ARID1B: variants seen among roughly 807,000 people sequenced by gnomAD.
ARID1B encodes AT-rich interactive domain-containing protein 1B.
ARID1B carries 30 observed loss-of-function variants against 212.3 expected under a neutral mutation model. The observed-to-expected ratio is 0.14, with a 90% CI of 0.11 to 0.19. The LOEUF (loss-of-function observed/expected upper bound fraction) is 0.19, where lower values mean the gene tolerates loss of function less well. Ranked by LOEUF, ARID1B falls within the 10% of genes least tolerant of loss-of-function variation. The pLI is 1.00. For missense variants in ARID1B, 2,891 were observed against 3,204.0 expected (o/e 0.90, Z 2.36); for synonymous variants, 1,402 against 1,301.7 (o/e 1.08, Z -1.66).
intron 3 of ARID1B, among the ~76,000 whole-genome samples, chr6:156,910,196 C>T (rs904263724): frequency 2.0e-5 from 3 of 152,144 alleles, no homozygotes; most frequent in African/African-American, 7.2e-5. Context: ...GTCTCTGGGG[C>T]TGTTCTAAAT....
In ARID1B at chr6:157,094,480, G is replaced by A. The variant is rs1487921620; in HGVS notation, c.2491+9575G>A. 6.6e-6 allele frequency among the ~76,000 whole-genome samples: 1 copy of A among 152,006 alleles called. No homozygotes were observed. The highest frequency in any genetic ancestry group is 2.4e-5 in the African/African-American group (1 of 41,358). On this transcript the variant is annotated intron_variant, in intron 5 of 19. Coordinates refer to ENST00000636930, the MANE Select transcript of ARID1B (RefSeq NM_001374828.1). The surrounding 1 kb of genome is among the most constrained non-coding windows in gnomAD (Gnocchi z 4.3). ...AGCAATTCTCCTACCTCAGCCTCCC[G>A]AGTAGCTGGGACTATAGGCACATGT...
At chr6:157,161,515 A>C (rs1428554798) in intron 8 of ARID1B, among the ~76,000 whole-genome samples, 1 of 151,424 alleles carries the variant, frequency 6.6e-6, no homozygotes, top group East Asian at 1.9e-4. Context: ...AATAACCTCG[A>C]CTGAGTCTCT....
intron 16 of ARID1B, chr6:157,198,574 C>A: frequency 1.9e-6 from 1 of 518,732 alleles, no homozygotes; most frequent in East Asian, 3.0e-5. Context: ...TCCTCTGACA[C>A]CTATTAGCCA....
In ARID1B at chr6:156,778,206, C is replaced by T. The variant is rs1250963206; in HGVS notation, c.526C>T (p.His176Tyr). 1.3e-6 allele frequency: 2 copies of T among 1,540,488 alleles called. No homozygotes were observed. Among genetic ancestry groups the T allele is most frequent in the South Asian group, 2.4e-5 (2 of 84,000 alleles). Reference sequence around the variant, plus strand: ...CCACCACCACCACCATGCCCACCACCACCACCACCATGCCCACCACCTCCA... The same window carrying T: ...CCACCACCACCACCATGCCCACCACTACCACCACCATGCCCACCACCTCCA... Reference protein sequence around the residue: ...QHHHHHHAHHHHHHAHHLHHH... With the variant: ...QHHHHHHAHHYHHHAHHLHHH... The change falls in exon 1 of 20, where the codon CAC becomes TAC. Residue 176 changes from histidine (H) to tyrosine (Y), a missense_variant. Physicochemically the swap from His to Tyr is moderately conservative, Grantham distance 83. Transcript: ENST00000636930.
intron 4 of ARID1B, among the ~76,000 whole-genome samples, chr6:157,001,783 A>C (rs1249318087): frequency 6.6e-6 from 1 of 152,204 alleles, no homozygotes; most frequent in African/African-American, 2.4e-5. Context: ...TTCAGCTTTT[A>C]GATTCTGAGA....
chr6:156,805,351 C>T (rs1781080512), intron 1 of ARID1B, among the ~76,000 whole-genome samples: 1 of 152,194 alleles, frequency 6.6e-6, no homozygotes, highest in African/African-American at 2.4e-5. Context: ...CCAGTTCTGC[C>T]ACTCATTTTT....
At chr6:157,130,177 A>G (rs1439222548) in intron 6 of ARID1B, among the ~76,000 whole-genome samples, 1 of 152,168 alleles carries the variant, frequency 6.6e-6, no homozygotes, top group Non-Finnish European at 1.5e-5. Flanking sequence ...TCAAAAAAAA[A>G]AAAAGAATAT....
intron 4 of ARID1B, among the ~76,000 whole-genome samples, chr6:157,061,393 A>G (rs762091539): frequency 1.1e-4 from 16 of 152,230 alleles, no homozygotes; most frequent in Admixed American, 2.6e-4. Flanking sequence ...AGTGCTCCAC[A>G]TGTCAACCCT....
intron 4 of ARID1B, among the ~76,000 whole-genome samples, chr6:157,039,696 T>TCCTTCCTTCCTTCCTTCC (rs1188640165): frequency 7.4e-6 from 1 of 135,434 alleles, no homozygotes; most frequent in African/African-American, 2.8e-5. Context: ...CTTCCTTCCT[T>TCCTTCCTTCCTTCCTTCC]CTTTCTTTCC....
At chr6:156,957,506 T>C (rs1417409311) in intron 4 of ARID1B, among the ~76,000 whole-genome samples, 1 of 152,112 alleles carries the variant, frequency 6.6e-6, no homozygotes, top group Non-Finnish European at 1.5e-5. Context: ...CTTAAGAAGC[T>C]GGAGCTTTAG....
chr6:157,052,719 C>T (rs541164862), intron 4 of ARID1B, among the ~76,000 whole-genome samples: 1 of 152,184 alleles, frequency 6.6e-6, no homozygotes, highest in African/African-American at 2.4e-5. Flanking sequence ...GAGCAGTTTT[C>T]GTTTGTCTGT....
chr6:156,807,140 C>T (rs1781222874), intron 1 of ARID1B, among the ~76,000 whole-genome samples: 1 of 143,224 alleles, frequency 7.0e-6, no homozygotes, highest in South Asian at 2.3e-4. Context: ...TATTGTGCAC[C>T]CCCCCACGCC....
At chr6:157,133,301 C>T (rs891828741) in intron 7 of ARID1B, 94 bp downstream of exon 7, 2 of 1,335,186 alleles carry the variant, frequency 1.5e-6, no homozygotes, top group South Asian at 1.6e-5. Context: ...GTAAACATAT[C>T]GTAAGATCCA....
chr6:157,119,411 G>A (rs572953761), intron 6 of ARID1B, among the ~76,000 whole-genome samples: 9 of 152,224 alleles, frequency 5.9e-5, no homozygotes, highest in Admixed American at 2.6e-4. Context: ...ATCCAGCCCC[G>A]GCTTCCTTTG....
intron 3 of ARID1B, among the ~76,000 whole-genome samples, chr6:156,923,549 G>A (rs1168140751): frequency 6.6e-6 from 1 of 152,072 alleles, no homozygotes; most frequent in Non-Finnish European, 1.5e-5. Flanking sequence ...CTTACTTTAT[G>A]GGGTCAGTGT....
At chr6:157,196,140 A>G (rs1793702400) in intron 15 of ARID1B, 25 bp from the exon 16 acceptor site, 3 of 1,610,512 alleles carry the variant, frequency 1.9e-6, no homozygotes, top group East Asian at 2.2e-5. Flanking sequence ...GCCTAAATGT[A>G]TGCATTTTAT....
In ARID1B at chr6:157,133,026, A is replaced by T; in HGVS notation, c.2582-2A>T. ...ATATGTTTCCATTTATTTCCCACTT[A>T]GGTTTTATGGCAGGCACACAAAGAA... On this transcript the variant is annotated splice_acceptor_variant, in intron 6 of 19. Transcript: ENST00000636930. LOFTEE classifies it high-confidence loss of function. 2 of 1,595,234 alleles carry T rather than the reference A, an allele frequency of 1.3e-6. No homozygotes were observed. Among genetic ancestry groups the T allele is most frequent in the Non-Finnish European group, 1.7e-6 (2 of 1,173,242 alleles).
chr6:157,038,349 C>CAT (rs1781470166), intron 4 of ARID1B, among the ~76,000 whole-genome samples: 2 of 151,982 alleles, frequency 1.3e-5, no homozygotes, highest in African/African-American at 2.4e-5. Flanking sequence ...TTTATATATA[C>CAT]ATATATATAT....
At chr6:157,090,204 T>C (rs1029546157) in intron 5 of ARID1B, among the ~76,000 whole-genome samples, 1 of 152,220 alleles carries the variant, frequency 6.6e-6, no homozygotes, top group Non-Finnish European at 1.5e-5. Context: ...CTCCATGTGC[T>C]GTAAGCAGCG....
Sources: gnomAD v4.1 joint callset for allele counts (sites outside exome capture counted in the v4.1 genomes callset) on GRCh38, gnomAD v4.1.1 for gene constraint, Gnocchi (gnomAD v3.1) non-coding constraint, MANE v1.5 for transcripts, NCBI Gene and HGNC (gene_info 2026-07-23, HGNC 2026-07-21) for gene names.